The following PCDHGA9 variants were observed in gnomAD, a reference collection of about 807,000 sequenced individuals.
The protein encoded by PCDHGA9 is protocadherin gamma-A9.
Under a neutral mutation model 62.5 loss-of-function variants are expected in PCDHGA9, and 37 were observed. The observed-to-expected ratio is 0.59, with a 90% CI of 0.46 to 0.78. The LOEUF is 0.78. Ranked by LOEUF, PCDHGA9 falls within the 30% of genes least tolerant of loss-of-function variation. PCDHGA9 has a pLI of 0.00. For synonymous variants in PCDHGA9, 459 were observed against 484.6 expected, an observed-to-expected ratio of 0.95 and a Z score of 0.69; for missense variants, 1,138 against 1,166.2, an observed-to-expected ratio of 0.98 and a Z score of 0.35.
At chr5:141,472,807 G>T (rs573078292) in intron 1 of PCDHGA9, among the ~76,000 whole-genome samples, 43 of 151,782 alleles carry the variant, frequency 2.8e-4, no homozygotes, top group African/African-American at 1.0e-3. Flanking sequence ...CCAACATGGA[G>T]AAACCCCCGT....
At chr5:141,460,983 G>GTGTGTA (rs1554142949) in intron 1 of PCDHGA9, among the ~76,000 whole-genome samples, 82 of 137,842 alleles carry the variant, frequency 5.9e-4, no homozygotes, top group African/African-American at 1.9e-3. Flanking sequence ...GTGTGTGTGT[G>GTGTGTA]TATATATATA....
At chr5:141,427,957 C>A in intron 1 of PCDHGA9, 2 of 1,588,400 alleles carry the variant, frequency 1.3e-6, no homozygotes, top group Non-Finnish European at 1.7e-6. Flanking sequence ...GACAATGTGC[C>A]GCGGGTGCTG....
At chr5:141,457,881 G>T (rs2098931594) in intron 1 of PCDHGA9, among the ~76,000 whole-genome samples, 2 of 152,230 alleles carry the variant, frequency 1.3e-5, no homozygotes, top group African/African-American at 4.8e-5. Context: ...TAGGAACCCT[G>T]TGTGGGGACT....
In PCDHGA9 at chr5:141,405,033, T is replaced by C. The variant is rs753061273; in HGVS notation, c.2081T>C (p.Val694Ala). 11 of 1,613,844 alleles carry C rather than the reference T, an allele frequency of 6.8e-6. No homozygotes were observed. Among genetic ancestry groups the C allele is most frequent in the Admixed American group, 1.7e-5 (1 of 59,996 alleles). ...GCCTCAGACCTTACCCTCTACCTCG[T>C]TGTGGCTGTGGCAGTCGTCTCCTGT... Reference protein sequence around the residue: ...LEASDLTLYLVVAVAVVSCVF... With the variant: ...LEASDLTLYLAVAVAVVSCVF... The change falls in exon 1 of 4, where the codon GTT becomes GCT. Residue 694 changes from valine (V) to alanine (A), a missense_variant. Coordinates refer to ENST00000573521, the MANE Select transcript of PCDHGA9 (RefSeq NM_018921.3).
chr5:141,444,373 G>A (rs2098434682), intron 1 of PCDHGA9, among the ~76,000 whole-genome samples: 1 of 151,902 alleles, frequency 6.6e-6, no homozygotes, highest in South Asian at 2.1e-4. Context: ...GTTTCTCCAT[G>A]TTGGTCAGGC....
In PCDHGA9 at chr5:141,410,160, C is replaced by T. The variant is rs767993789; in HGVS notation, c.2424+4784C>T. ...GCTGTGCGTGACGGTGGACAGCCGC[C>T]ACTCTCTGCCACCGCCACGCTTCAT... On this transcript the variant is annotated intron_variant, in intron 1 of 3. Transcript: ENST00000573521. 100 of 1,613,580 alleles carry T rather than the reference C, an allele frequency of 6.2e-5. No individual in the cohort carries two copies. In the Middle Eastern group the frequency reaches 2.1e-3, roughly 34 times the overall value.
At chr5:141,420,733 A>T (rs989644819) in intron 1 of PCDHGA9, among the ~76,000 whole-genome samples, 1 of 152,250 alleles carries the variant, frequency 6.6e-6, no homozygotes, top group African/African-American at 2.4e-5. Flanking sequence ...GTCGGTTAAA[A>T]TCAATTGGAA....
chr5:141,413,747 A>C, intron 1 of PCDHGA9: 1 of 1,613,348 alleles, frequency 6.2e-7, no homozygotes. Flanking sequence ...AGCCGTGCCA[A>C]TGGCGTCAAG....
intron 1 of PCDHGA9, among the ~76,000 whole-genome samples, chr5:141,444,646 G>T (rs1023259048): frequency 1.3e-5 from 2 of 152,098 alleles, no homozygotes; most frequent in Non-Finnish European, 2.9e-5. Flanking sequence ...TGAGGTAGGG[G>T]TTGAAGTTAT....
intron 1 of PCDHGA9, chr5:141,409,534 C>A (rs774144232): frequency 3.1e-6 from 5 of 1,613,986 alleles, no homozygotes; most frequent in Non-Finnish European, 4.2e-6. Flanking sequence ...ATGTCGCTGA[C>A]ATCAACGACA....
chr5:141,449,782 T>C (rs2098655261), intron 1 of PCDHGA9, among the ~76,000 whole-genome samples: 1 of 151,720 alleles, frequency 6.6e-6, no homozygotes, highest in South Asian at 2.1e-4. Flanking sequence ...GAAATTATGT[T>C]TCTTTATTCC....
chr5:141,444,902 G>A (rs1442325957), intron 1 of PCDHGA9, among the ~76,000 whole-genome samples: 1 of 152,160 alleles, frequency 6.6e-6, no homozygotes, highest in Non-Finnish European at 1.5e-5. Context: ...GGATGGCATT[G>A]CATCTATACC....
chr5:141,409,697 C>A (rs372548874), intron 1 of PCDHGA9: 1 of 1,613,178 alleles, frequency 6.2e-7, no homozygotes, highest in African/African-American at 1.3e-5. Context: ...CCTAGAGCCC[C>A]TGGCGGTGTC....
intron 1 of PCDHGA9, among the ~76,000 whole-genome samples, chr5:141,482,274 G>A (rs1219523359): frequency 6.6e-6 from 1 of 152,094 alleles, no homozygotes; most frequent in Non-Finnish European, 1.5e-5. Flanking sequence ...TTTAGCTTAG[G>A]TAAGTCTTTT....
intron 1 of PCDHGA9, chr5:141,422,988 C>T: frequency 6.2e-7 from 1 of 1,614,232 alleles, no homozygotes; most frequent in Non-Finnish European, 8.5e-7. Context: ...AACCTGGCTA[C>T]CTGGTGACCA....
rs751560177 is a variant in PCDHGA9 at position 141,432,962 on chromosome 5, G to T, written c.2424+27586G>T. 7 of 1,614,092 alleles carry T rather than the reference G, an allele frequency of 4.3e-6. No individual in the cohort carries two copies. The highest frequency in any genetic ancestry group is 5.9e-6 in the Non-Finnish European group (7 of 1,180,046). Reference sequence around the variant, plus strand: ...GGCTTCAGGAGGCGGCTTGACAGGAGCGCCGGCGTCGCACTTTGTGGGCGT... The same window carrying T: ...GGCTTCAGGAGGCGGCTTGACAGGATCGCCGGCGTCGCACTTTGTGGGCGT... On this transcript the variant is annotated intron_variant, in intron 1 of 3. Transcript: ENST00000573521. The surrounding 1 kb of genome is among the most constrained non-coding windows in gnomAD (Gnocchi z 6.0).
intron 1 of PCDHGA9, among the ~76,000 whole-genome samples, chr5:141,452,835 C>A (rs2098750110): frequency 6.6e-6 from 1 of 152,154 alleles, no homozygotes; most frequent in Admixed American, 6.5e-5. Flanking sequence ...TCACTTGGTC[C>A]AGCCCACACT....
At chr5:141,497,503 C>CTGCTTCCT (rs1042765123) in intron 2 of PCDHGA9, among the ~76,000 whole-genome samples, 57 of 151,054 alleles carry the variant, frequency 3.8e-4, no homozygotes, top group African/African-American at 1.4e-3. Flanking sequence ...TCTCCTCTCT[C>CTGCTTCCT]TGCTTCCTTA....
At position 141,403,708 on chromosome 5, in the gene PCDHGA9, T is replaced by C. The variant is rs1265644591; in HGVS notation, c.756T>C (p.Leu252=). The stretch of plus-strand genomic sequence containing the variant: ...AACGGATTTACCGAGTTAAAGTCCT[T>C]GAGAACGTGCCCCCAGGCACCTGGC... ...FAQRIYRVKV[L]ENVPPGTWLL... The change falls in exon 1 of 4, where the codon CTT becomes CTC. Residue 252 remains leucine, a synonymous_variant. Coordinates refer to ENST00000573521, the MANE Select transcript of PCDHGA9 (RefSeq NM_018921.3). 1.2e-6 allele frequency: 2 copies of C among 1,613,906 alleles called. No homozygotes were observed. The highest frequency in any genetic ancestry group is 1.1e-5 in the South Asian group (1 of 91,076).
Sources: allele counts gnomAD v4.1 joint callset (sites outside exome capture counted in the v4.1 genomes callset), GRCh38; gene constraint gnomAD v4.1.1; non-coding constraint Gnocchi (gnomAD v3.1); transcripts MANE v1.5; gene names NCBI Gene and HGNC (gene_info 2026-07-23, HGNC 2026-07-21).